WDR59: variants seen among roughly 807,000 people sequenced by gnomAD.
WDR59 encodes GATOR2 complex protein WDR59.
A neutral mutation model predicts 131.2 loss-of-function variants in WDR59; 100 were observed. The ratio of observed to expected loss-of-function variants is 0.76; its 90% CI spans 0.65 to 0.90. The LOEUF (loss-of-function observed/expected upper bound fraction) is 0.90, where lower values mean the gene tolerates loss of function less well. Ranked by LOEUF, WDR59 falls within the 40% of genes least tolerant of loss-of-function variation. The pLI, the probability that WDR59 is intolerant of heterozygous loss-of-function variation, is 0.00. For synonymous variants in WDR59, 601 were observed against 466.2 expected (o/e 1.29, Z -3.72); for missense variants, 1,203 against 1,262.2 (o/e 0.95, Z 0.71).
At chr16:74,983,854 C>A (rs2034520731) in intron 1 of WDR59, among the ~76,000 whole-genome samples, 1 of 150,168 alleles carries the variant, frequency 6.7e-6, no homozygotes, top group Admixed American at 6.8e-5. Flanking sequence ...TGGCATGCGC[C>A]TGTAGTCTCA....
intron 1 of WDR59, among the ~76,000 whole-genome samples, chr16:74,977,575 C>A (rs2034238108): frequency 6.6e-6 from 1 of 152,086 alleles, no homozygotes. Context: ...GTAGTCCCAG[C>A]CACTCGGGAA....
intron 25 of WDR59, among the ~76,000 whole-genome samples, chr16:74,878,052 A>G (rs1282485557): frequency 1.3e-5 from 2 of 152,232 alleles, no homozygotes; most frequent in Non-Finnish European, 2.9e-5. Context: ...AGTGGCCAAC[A>G]CTACAGATTT....
intron 7 of WDR59, among the ~76,000 whole-genome samples, chr16:74,938,523 G>A (rs569421060): frequency 1.3e-5 from 2 of 152,076 alleles, no homozygotes; most frequent in African/African-American, 4.8e-5. Flanking sequence ...ATACAAGGTA[G>A]TAGGTGCTTT....
At chr16:74,968,811 TACC>T (rs375604917) in intron 1 of WDR59, among the ~76,000 whole-genome samples, 161 of 152,062 alleles carry the variant, frequency 1.1e-3, no homozygotes, top group African/African-American at 3.3e-3. Context: ...AAAGAAAAAC[TACC>T]ACCACAACAC....
chr16:74,982,532 G>A (rs886743600), intron 1 of WDR59, among the ~76,000 whole-genome samples: 2 of 152,208 alleles, frequency 1.3e-5, no homozygotes, highest in Non-Finnish European at 2.9e-5. Flanking sequence ...ACAGGCAGGG[G>A]TGAGACTACC....
chr16:74,922,098 G>A lies in WDR59; in HGVS notation c.735C>T (p.Phe245=). The change falls in exon 10 of 26, where the codon TTC becomes TTT. Residue 245 remains phenylalanine (F), a synonymous_variant. Coordinates refer to ENST00000262144, the MANE Select transcript of WDR59 (RefSeq NM_030581.4). ...VPVWKARYTP[F]SNGLVTVMVP... is the part of the protein sequence containing the mutation. Reference sequence around the variant, plus strand: ...CCATCACAGTCACCAATCCATTGCTGAAAGGCTAAGGCAGGGAAGGGAAAA... The same window carrying A: ...CCATCACAGTCACCAATCCATTGCTAAAAGGCTAAGGCAGGGAAGGGAAAA... The A allele has an allele frequency of 6.2e-7, 1 of 1,614,114 alleles. No individual in the cohort carries two copies. The highest frequency in any genetic ancestry group is 1.1e-5 in the South Asian group (1 of 91,056).
Position 74,885,798 on chromosome 16 carries a change from G to C in WDR59, c.2547-3C>G. The stretch of plus-strand genomic sequence containing the variant: ...GGGTATTGGCGGGGTCCAGGAGCCT[G>C]GATAAAGTTAAAAAGATTTCCTGTC... On this transcript the variant is annotated splice_region_variant and splice_polypyrimidine_tract_variant and intron_variant, in intron 24 of 25. Coordinates refer to ENST00000262144, the MANE Select transcript of WDR59 (RefSeq NM_030581.4). The C allele has an allele frequency of 2.5e-6, 4 of 1,608,074 alleles. No homozygotes were observed. Among genetic ancestry groups the C allele is most frequent in the South Asian group, 1.1e-5 (1 of 89,952 alleles).
At chr16:74,912,169 AAGG>A (rs1432392103) in intron 14 of WDR59, 26 bp downstream of exon 14, 6 of 1,614,134 alleles carry the variant, frequency 3.7e-6, no homozygotes, top group Non-Finnish European at 4.2e-6. Flanking sequence ...GCAGAACAGC[AAGG>A]AGAATTTGGG....
chr16:74,903,194 C>T (rs1459165705), intron 18 of WDR59, among the ~76,000 whole-genome samples: 1 of 152,156 alleles, frequency 6.6e-6, no homozygotes, highest in Non-Finnish European at 1.5e-5. Flanking sequence ...TCCCACTGAG[C>T]GAGAGATAAC....
chr16:74,932,862 T>A (rs867325144), intron 8 of WDR59, among the ~76,000 whole-genome samples: 1 of 152,232 alleles, frequency 6.6e-6, no homozygotes, highest in Non-Finnish European at 1.5e-5. Context: ...TTAGTATACA[T>A]GCTTACTTCT....
chr16:74,885,708 C>T lies in WDR59; in HGVS notation c.2634G>A (p.Lys878=), dbSNP rs1436965058. 26 of 1,614,024 alleles carry T rather than the reference C, an allele frequency of 1.6e-5. No homozygotes were observed. The highest frequency in any genetic ancestry group is 2.2e-5 in the Non-Finnish European group (26 of 1,180,040). ...EILYRWGLRE[K]RAEVLKFVSC... ...AGACAAACTTCAACACTTCAGCTCG[C>T]TTCTCTCTCAGACCCCAACGGTAGA... The change falls in exon 25 of 26, where the codon AAG becomes AAA. Residue 878 remains lysine (K), a synonymous_variant. Coordinates refer to ENST00000262144, the MANE Select transcript of WDR59 (RefSeq NM_030581.4).
chr16:74,923,062 G>A (rs780005618), intron 9 of WDR59, among the ~76,000 whole-genome samples: 6 of 152,084 alleles, frequency 3.9e-5, no homozygotes, highest in African/African-American at 9.7e-5. Context: ...GCATTTAATG[G>A]TTTAGAAAGC....
chr16:74,985,067 C>T lies in WDR59; in HGVS notation c.-50G>A, dbSNP rs991340994. On this transcript the variant is annotated 5_prime_UTR_variant, in exon 1 of 26. Coordinates refer to ENST00000262144, the MANE Select transcript of WDR59 (RefSeq NM_030581.4). Reference sequence around the variant, plus strand: ...CCAGGACGGCGCCCTCCCACCCCGCCGTCCCCAGTATCCCGGGACCGTGCG... The same window carrying T: ...CCAGGACGGCGCCCTCCCACCCCGCTGTCCCCAGTATCCCGGGACCGTGCG... 20 of 1,522,894 alleles carry T rather than the reference C, an allele frequency of 1.3e-5. No homozygotes were observed. In the South Asian group the frequency reaches 1.6e-4, roughly 12 times the overall value. The allele number at this position is 1,522,894 out of a possible 1,614,324, so 94.3% of individuals were successfully genotyped here. A position where few individuals can be genotyped will look rare whatever the true frequency, so the allele number is the denominator to read the frequency against.
intron 1 of WDR59, among the ~76,000 whole-genome samples, chr16:74,982,584 T>G (rs2034469250): frequency 6.6e-6 from 1 of 152,182 alleles, no homozygotes; most frequent in Non-Finnish European, 1.5e-5. Flanking sequence ...ATTAGTAGCT[T>G]CCAAATTAGC....
At chr16:74,882,194 G>C (rs13332783) in intron 25 of WDR59, among the ~76,000 whole-genome samples, 2,294 of 152,272 alleles carry the variant, frequency 0.015, 42 homozygotes, top group African/African-American at 0.05. Context: ...TTTGATACAT[G>C]AGCTCTGTAT....
chr16:74,876,367 A>G (rs1048080700), intron 25 of WDR59, among the ~76,000 whole-genome samples: 5 of 152,176 alleles, frequency 3.3e-5, no homozygotes, highest in Non-Finnish European at 7.3e-5. Context: ...AAAACTCTCA[A>G]ATTTTCATTA....
intron 6 of WDR59, among the ~76,000 whole-genome samples, chr16:74,944,781 A>AT (rs890811361): frequency 6.6e-6 from 1 of 152,114 alleles, no homozygotes; most frequent in African/African-American, 2.4e-5. Flanking sequence ...TTCTACTTCC[A>AT]TTTTTTAAGA....
chr16:74,949,797 C>A lies in WDR59; in HGVS notation c.328G>T (p.Asp110Tyr). 1 of 1,613,768 alleles carries A rather than the reference C, an allele frequency of 6.2e-7. No homozygotes were observed. Among genetic ancestry groups the A allele is most frequent in the South Asian group, 1.1e-5 (1 of 91,038 alleles). The change falls in exon 5 of 26, where the codon GAC becomes TAC. Residue 110 changes from aspartate (D) to tyrosine (Y), a missense_variant and splice_region_variant. By Grantham distance (160) the Asp-to-Tyr change is radical. Coordinates refer to ENST00000262144, the MANE Select transcript of WDR59 (RefSeq NM_030581.4). Reference protein sequence around the residue: ...TLQGHTRVISDLDWAVFEPDL... With the variant: ...TLQGHTRVISYLDWAVFEPDL... ...GGCTCAAACACCGCCCAGTCCAAGT[C>A]GCTGGGACACAAAGAATAAACAGAA...
Position 74,904,011 on chromosome 16 carries a change from C to T in WDR59, c.1802G>A (p.Ser601Asn), listed in dbSNP as rs1270342801. 4 of 1,612,078 alleles carry T rather than the reference C, an allele frequency of 2.5e-6. No individual in the cohort carries two copies. Among genetic ancestry groups the T allele is most frequent in the Non-Finnish European group, 3.4e-6 (4 of 1,179,468 alleles). ...TTTCTCGCTGCGAGTGGGGCTCCCA[C>T]TGTATAAACGAAGGTTCCCAGGGGC... ...TEAPGNLRLY[S>N]GSPTRSEKEQ... The change falls in exon 18 of 26, where the codon AGT (serine) becomes AAT (asparagine). Residue 601 changes from serine to asparagine, a missense_variant. Physicochemically the swap from Ser to Asn is conservative, Grantham distance 46 (BLOSUM62 1). Coordinates refer to ENST00000262144, the MANE Select transcript of WDR59 (RefSeq NM_030581.4).
Sources: gnomAD v4.1 joint callset for allele counts (sites outside exome capture counted in the v4.1 genomes callset) on GRCh38, gnomAD v4.1.1 for gene constraint, MANE v1.5 for transcripts, NCBI Gene and HGNC (gene_info 2026-07-23, HGNC 2026-07-21) for gene names.